Variants in GPC6 observed in about 807,000 individuals in gnomAD.
GPC6 encodes glypican 6, also known as glypican-6.
Under a neutral mutation model 55.2 loss-of-function variants are expected in GPC6, and 14 were observed. The ratio of observed to expected loss-of-function variants is 0.25; its 90% CI spans 0.17 to 0.40. The LOEUF is 0.40. Among genes scored for constraint, GPC6 ranks in the 10% least tolerant of loss-of-function variants. The probability of loss-of-function intolerance (pLI) is 1.00; values close to 1 mark genes in which losing one functional copy is unlikely to be tolerated. For missense variants in GPC6, 641 were observed against 708.5 expected (o/e 0.90, Z 1.08); for synonymous variants, 278 against 259.6 (o/e 1.07, Z -0.68).
At chr13:94,328,330 A>C (rs1342812462) in intron 6 of GPC6, among the ~76,000 whole-genome samples, 6 of 152,202 alleles carry the variant, frequency 3.9e-5, no homozygotes, top group Non-Finnish European at 1.5e-5. Flanking sequence ...GCCCGATGCC[A>C]ATGTGTTCAA....
chr13:93,352,923 C>A (rs1880682992), intron 1 of GPC6, among the ~76,000 whole-genome samples: 1 of 152,084 alleles, frequency 6.6e-6, no homozygotes, highest in South Asian at 2.1e-4. Context: ...GTCTCTAGCT[C>A]CTTGTGTGGT....
intron 6 of GPC6, among the ~76,000 whole-genome samples, chr13:94,343,362 C>T (rs1226586047): frequency 6.6e-6 from 1 of 152,164 alleles, no homozygotes; most frequent in Non-Finnish European, 1.5e-5. Context: ...CCTTTGCCTC[C>T]GCACAAAAGC....
chr13:93,347,058 G>T (rs1183826408), intron 1 of GPC6, among the ~76,000 whole-genome samples: 1 of 152,106 alleles, frequency 6.6e-6, no homozygotes, highest in Non-Finnish European at 1.5e-5. Flanking sequence ...AAATTTTAAA[G>T]ATATTAAATC....
chr13:93,771,193 T>C (rs9284273), intron 2 of GPC6, among the ~76,000 whole-genome samples: 146,564 of 152,234 alleles, frequency 0.96, 70,587 homozygotes, highest in African/African-American at 0.99. Flanking sequence ...GAAATTAAGT[T>C]GCATACAAGG....
chr13:93,480,465 C>T (rs1362843972), intron 1 of GPC6, among the ~76,000 whole-genome samples: 4 of 152,056 alleles, frequency 2.6e-5, no homozygotes, highest in African/African-American at 7.2e-5. Context: ...GGGACAAGAA[C>T]GTGATTTTTG....
chr13:93,583,859 T>G (rs1267341178), intron 2 of GPC6, among the ~76,000 whole-genome samples: 1 of 152,172 alleles, frequency 6.6e-6, no homozygotes, highest in Non-Finnish European at 1.5e-5. Context: ...ATAGGGCAGT[T>G]TTGACATCCT....
chr13:93,496,121 G>C (rs1484838214), intron 1 of GPC6, among the ~76,000 whole-genome samples: 5 of 152,120 alleles, frequency 3.3e-5, no homozygotes, highest in African/African-American at 4.8e-5. Context: ...CCCTCCCCCA[G>C]CCTTGCTGCC....
chr13:93,504,057 A>G (rs967282015), intron 1 of GPC6, among the ~76,000 whole-genome samples: 1 of 152,140 alleles, frequency 6.6e-6, no homozygotes, highest in East Asian at 1.9e-4. Flanking sequence ...CAAAAAGTGC[A>G]TTTTACTTAC....
intron 2 of GPC6, among the ~76,000 whole-genome samples, chr13:93,791,459 T>G (rs1025674084): frequency 6.6e-6 from 1 of 152,228 alleles, no homozygotes; most frequent in African/African-American, 2.4e-5. Flanking sequence ...TGAAAGGCAG[T>G]TATTATACAT....
chr13:93,276,530 G>A (rs1023624183), intron 1 of GPC6, among the ~76,000 whole-genome samples: 2 of 149,094 alleles, frequency 1.3e-5, no homozygotes, highest in African/African-American at 4.9e-5. Flanking sequence ...GTGTGTGTAT[G>A]TGTGTGATAG....
intron 1 of GPC6, among the ~76,000 whole-genome samples, chr13:93,430,606 G>C (rs140712381): frequency 6.6e-6 from 1 of 152,232 alleles, no homozygotes; most frequent in East Asian, 1.9e-4. Context: ...AGGATCTGGT[G>C]TCAATAAGCA....
rs545493181 is a variant in GPC6 at position 94,296,794 on chromosome 13, C to A, written c.1009-9186C>A. Among the ~76,000 whole-genome samples the A allele has an allele frequency of 3.3e-5, 5 of 152,224 alleles. No homozygotes were observed. The East Asian group carries it at 9.6e-4, about 29-fold the overall frequency. On this transcript the variant is annotated intron_variant, in intron 5 of 8. Transcript: ENST00000377047. Reference sequence around the variant, plus strand: ...ATGTCACTGAACACAGAGTAGAACACCCTGATGTAACATTTCCTCCTTATA... The same window carrying A: ...ATGTCACTGAACACAGAGTAGAACAACCTGATGTAACATTTCCTCCTTATA...
intron 1 of GPC6, among the ~76,000 whole-genome samples, chr13:93,510,273 A>C (rs779781500): frequency 2.0e-5 from 3 of 152,058 alleles, no homozygotes; most frequent in Admixed American, 6.6e-5. Context: ...CCTTCTAACT[A>C]TATGTTTGTA....
intron 1 of GPC6, among the ~76,000 whole-genome samples, chr13:93,410,443 T>C (rs1408211): frequency 0.17 from 25,278 of 152,124 alleles, 2,662 homozygotes; most frequent in East Asian, 0.48. Context: ...CGGGTACTAA[T>C]AGGGATATTA....
chr13:94,046,302 G>C (rs1883731095), intron 4 of GPC6, among the ~76,000 whole-genome samples: 1 of 152,002 alleles, frequency 6.6e-6, no homozygotes, highest in Non-Finnish European at 1.5e-5. Flanking sequence ...GCTGAAGCCT[G>C]GGCCACATTG....
chr13:93,417,709 T>C (rs1463453702), intron 1 of GPC6, among the ~76,000 whole-genome samples: 1 of 152,050 alleles, frequency 6.6e-6, no homozygotes, highest in Non-Finnish European at 1.5e-5. Context: ...TACAAAACTG[T>C]TGTACACATG....
At chr13:93,284,693 C>T (rs1878054942) in intron 1 of GPC6, among the ~76,000 whole-genome samples, 1 of 152,192 alleles carries the variant, frequency 6.6e-6, no homozygotes, top group African/African-American at 2.4e-5. Flanking sequence ...CAAAGACATT[C>T]ACTCCATTTA....
intron 4 of GPC6, among the ~76,000 whole-genome samples, chr13:94,262,884 GA>G (rs1891696861): frequency 6.6e-6 from 1 of 152,040 alleles, no homozygotes; most frequent in Non-Finnish European, 1.5e-5. Context: ...GAGAGCAAAA[GA>G]CAAATAATTA....
At chr13:93,504,947 C>T (rs549716013) in intron 1 of GPC6, among the ~76,000 whole-genome samples, 1 of 152,268 alleles carries the variant, frequency 6.6e-6, no homozygotes, top group East Asian at 1.9e-4. Flanking sequence ...TGTTCTCTTA[C>T]ACAGTACAAA....
Sources: gnomAD v4.1 joint callset for allele counts (sites outside exome capture counted in the v4.1 genomes callset) on GRCh38, gnomAD v4.1.1 for gene constraint, MANE v1.5 for transcripts, NCBI Gene and HGNC (gene_info 2026-07-23, HGNC 2026-07-21) for gene names.